Variants in CTNNA2 observed in about 807,000 individuals in gnomAD.
CTNNA2 encodes catenin alpha-2.
Under a neutral mutation model 101.0 loss-of-function variants are expected in CTNNA2, and 42 were observed. The observed-to-expected ratio is 0.42, with a 90% CI of 0.32 to 0.54. The LOEUF (loss-of-function observed/expected upper bound fraction) is 0.54, where lower values mean the gene tolerates loss of function less well. Among genes scored for constraint, CTNNA2 ranks in the 20% least tolerant of loss-of-function variants. The probability of loss-of-function intolerance (pLI) is 0.14; values close to 1 mark genes in which losing one functional copy is unlikely to be tolerated. For missense variants in CTNNA2, 871 were observed against 1,223.1 expected (o/e 0.71, Z 4.29); for synonymous variants, 450 against 456.4 (o/e 0.99, Z 0.18).
intron 3 of CTNNA2, among the ~76,000 whole-genome samples, chr2:79,852,138 A>T (rs1680762583): frequency 6.6e-6 from 1 of 152,230 alleles, no homozygotes; most frequent in East Asian, 1.9e-4. Flanking sequence ...ATAAAGGATA[A>T]TTACGCATTT....
chr2:79,780,532 T>C (rs1674342859), intron 3 of CTNNA2, among the ~76,000 whole-genome samples: 1 of 152,132 alleles, frequency 6.6e-6, no homozygotes, highest in Admixed American at 6.5e-5. Flanking sequence ...CCCACAAACA[T>C]AGAGAAACAC....
chr2:80,213,213 T>C (rs941862748), intron 7 of CTNNA2, among the ~76,000 whole-genome samples: 1 of 152,144 alleles, frequency 6.6e-6, no homozygotes, highest in African/African-American at 2.4e-5. Context: ...CTCTATCTCC[T>C]TCACTTCTCC....
intron 7 of CTNNA2, among the ~76,000 whole-genome samples, chr2:79,975,047 G>A (rs1451558985): frequency 6.6e-6 from 1 of 152,178 alleles, no homozygotes; most frequent in Non-Finnish European, 1.5e-5. Context: ...CACGGTGAAT[G>A]AGGAGGAGGC....
chr2:79,528,091 T>C (rs753559959), intron 1 of CTNNA2, among the ~76,000 whole-genome samples: 9 of 152,226 alleles, frequency 5.9e-5, no homozygotes, highest in Non-Finnish European at 1.2e-4. Flanking sequence ...ATTGAATTTA[T>C]ATAAAATGTC....
intron 1 of CTNNA2, among the ~76,000 whole-genome samples, chr2:79,552,542 G>C (rs1014634030): frequency 4.6e-5 from 7 of 152,172 alleles, no homozygotes; most frequent in African/African-American, 1.4e-4. Context: ...TTTCCTCTCT[G>C]TACTGCCCTA....
At chr2:80,098,431 C>G (rs973023476) in intron 7 of CTNNA2, among the ~76,000 whole-genome samples, 12 of 152,202 alleles carry the variant, frequency 7.9e-5, no homozygotes, top group African/African-American at 2.9e-4. Flanking sequence ...GGGGTTGCCT[C>G]CCAGTTAGGC....
At position 79,987,413 on chromosome 2, in the gene CTNNA2, A is replaced by C. The variant is rs1368916; in HGVS notation, c.1056+77616A>C. Among the ~76,000 whole-genome samples the C allele has an allele frequency of 1.3e-4, 20 of 152,292 alleles. 2 individuals carry two copies. The South Asian group carries it at 3.3e-3, about 25-fold the overall frequency. ...TCAGAAAGAACTGGGTTCAAGTCCCACCTGTGCCTCCTAACGAGCTAGGTG... is the reference window on the plus strand; with the variant it reads ...TCAGAAAGAACTGGGTTCAAGTCCCCCCTGTGCCTCCTAACGAGCTAGGTG... On this transcript the variant is annotated intron_variant, in intron 7 of 18. Coordinates refer to ENST00000402739, the MANE Select transcript of CTNNA2 (RefSeq NM_001282597.3).
At chr2:80,010,803 G>C (rs1693724716) in intron 7 of CTNNA2, among the ~76,000 whole-genome samples, 1 of 151,818 alleles carries the variant, frequency 6.6e-6, no homozygotes, top group Non-Finnish European at 1.5e-5. Flanking sequence ...ATTGTCTTTT[G>C]GAAAAATAGT....
At chr2:80,337,610 C>T (rs1487862634) in intron 7 of CTNNA2, among the ~76,000 whole-genome samples, 1 of 151,934 alleles carries the variant, frequency 6.6e-6, no homozygotes, top group Non-Finnish European at 1.5e-5. Flanking sequence ...TGAGTGCACA[C>T]ACACAAATAC....
chr2:79,337,823 T>A (rs1468367545), intron 3 of CTNNA2, among the ~76,000 whole-genome samples: 1 of 152,134 alleles, frequency 6.6e-6, no homozygotes, highest in African/African-American at 2.4e-5. Flanking sequence ...ATCACATTAT[T>A]TTGATATTTA....
chr2:80,639,583 T>C (rs1015170092), intron 18 of CTNNA2, among the ~76,000 whole-genome samples: 4 of 151,930 alleles, frequency 2.6e-5, no homozygotes, highest in African/African-American at 7.3e-5. Context: ...TGATGGTCAC[T>C]TTTACCTCTA....
rs1414808115 is a variant in CTNNA2, at chr2:79,232,884, T to C, written c.-406+34808T>C. ...CGTATTTGCATGGAATTGGTTGTAA[T>C]GTTGTCTTTGTCATTTCTGATTGCA... On this transcript the variant is annotated intron_variant, in intron 2 of 21. Coordinates refer to the CTNNA2 transcript ENST00000466387. Among the ~76,000 whole-genome samples, 4 of 152,198 alleles carry C rather than the reference T, an allele frequency of 2.6e-5. No homozygotes were observed. The East Asian group carries it at 5.8e-4, about 22-fold the overall frequency.
intron 8 of CTNNA2, among the ~76,000 whole-genome samples, chr2:80,415,652 G>C (rs1276486730): frequency 6.6e-6 from 1 of 152,068 alleles, no homozygotes; most frequent in African/African-American, 2.4e-5. Context: ...GTATGGAGGT[G>C]CCTCAAAAAA....
At chr2:79,650,402 C>A (rs992474009) in intron 1 of CTNNA2, among the ~76,000 whole-genome samples, 1 of 151,898 alleles carries the variant, frequency 6.6e-6, no homozygotes, top group Admixed American at 6.6e-5. Flanking sequence ...TTGAAGATGT[C>A]TTTCATATTT....
At chr2:79,435,372 G>A (rs1678702640) in intron 4 of CTNNA2, among the ~76,000 whole-genome samples, 1 of 152,114 alleles carries the variant, frequency 6.6e-6, no homozygotes, top group Non-Finnish European at 1.5e-5. Context: ...TGTGTCCTCA[G>A]TGTCCAATTT....
At chr2:79,556,326 A>C in intron 1 of CTNNA2, among the ~76,000 whole-genome samples, 1 of 152,004 alleles carries the variant, frequency 6.6e-6, no homozygotes, top group East Asian at 1.9e-4. Context: ...TCCTCCATGT[A>C]AATTTATCTG....
intron 1 of CTNNA2, among the ~76,000 whole-genome samples, chr2:79,570,296 T>C (rs542634558): frequency 8.5e-5 from 13 of 152,308 alleles, no homozygotes; most frequent in Non-Finnish European, 1.8e-4. Context: ...GTTTCTCTTA[T>C]GTATCTTTTG....
intron 1 of CTNNA2, among the ~76,000 whole-genome samples, chr2:79,562,371 G>C (rs1292159184): frequency 1.3e-5 from 2 of 151,866 alleles, no homozygotes; most frequent in Non-Finnish European, 2.9e-5. Context: ...TAACATTTAT[G>C]GTTGCCATTT....
chr2:80,505,633 A>AG (rs936863904), intron 9 of CTNNA2, among the ~76,000 whole-genome samples: 1 of 152,236 alleles, frequency 6.6e-6, no homozygotes, highest in Non-Finnish European at 1.5e-5. Context: ...GTTCCACAAC[A>AG]GTGGGCATAT....
Sources: gnomAD v4.1 joint callset for allele counts (sites outside exome capture counted in the v4.1 genomes callset) on GRCh38, gnomAD v4.1.1 for gene constraint, MANE v1.5 for transcripts, NCBI Gene and HGNC (gene_info 2026-07-23, HGNC 2026-07-21) for gene names.